STAC: variants seen among roughly 807,000 people sequenced by gnomAD.
STAC encodes SH3 and cysteine-rich domain-containing protein.
In STAC, 43 loss-of-function variants were observed where a neutral mutation model predicts 48.8. That is an observed-to-expected ratio of 0.88 (90% CI 0.69 to 1.14). STAC has a LOEUF of 1.14. Ranked by LOEUF, STAC falls within the 50% of genes most tolerant of loss-of-function variation. The pLI is 0.00. For missense variants in STAC, 497 were observed against 504.0 expected (o/e 0.99, Z 0.13); for synonymous variants, 193 against 179.5 (o/e 1.07, Z -0.60).
intron 2 of STAC, among the ~76,000 whole-genome samples, chr3:36,472,000 C>T (rs1697351971): frequency 6.6e-6 from 1 of 152,232 alleles, no homozygotes; most frequent in South Asian, 2.1e-4. Context: ...CCCACATTTC[C>T]CTTCTGCATT....
chr3:36,471,895 T>G (rs185805758), intron 2 of STAC, among the ~76,000 whole-genome samples: 5 of 152,312 alleles, frequency 3.3e-5, no homozygotes, highest in Admixed American at 3.3e-4. Flanking sequence ...GATCTACCAT[T>G]CTGGAGTCTT....
intron 1 of STAC, among the ~76,000 whole-genome samples, chr3:36,437,633 G>A (rs1397221184): frequency 9.0e-6 from 1 of 111,486 alleles, no homozygotes; most frequent in African/African-American, 3.4e-5. Flanking sequence ...GTTGTGGGGT[G>A]GGGGGAGGGG....
intron 2 of STAC, among the ~76,000 whole-genome samples, chr3:36,463,621 G>A (rs540509251): frequency 1.0e-4 from 15 of 149,766 alleles, no homozygotes; most frequent in South Asian, 4.2e-4. Context: ...CCATTAACTC[G>A]TCATTCAACA....
chr3:36,426,898 G>A (rs1366033341), intron 1 of STAC, among the ~76,000 whole-genome samples: 1 of 152,066 alleles, frequency 6.6e-6, no homozygotes, highest in Non-Finnish European at 1.5e-5. Context: ...GGCTTTCATT[G>A]TTGGTCATAA....
chr3:36,471,325 G>A (rs1000370828), intron 2 of STAC, among the ~76,000 whole-genome samples: 4 of 152,146 alleles, frequency 2.6e-5, no homozygotes, highest in Non-Finnish European at 5.9e-5. Flanking sequence ...ACAACACATG[G>A]GAATTCTGGG....
intron 1 of STAC, among the ~76,000 whole-genome samples, chr3:36,418,366 G>A (rs943855454): frequency 3.3e-5 from 5 of 152,114 alleles, no homozygotes; most frequent in Non-Finnish European, 7.4e-5. Flanking sequence ...GAGGATGTGT[G>A]TGTGCATGCA....
intron 8 of STAC, among the ~76,000 whole-genome samples, chr3:36,510,813 G>T (rs181930050): frequency 0.017 from 2,601 of 152,086 alleles, 68 homozygotes; most frequent in African/African-American, 0.06. Flanking sequence ...GTTGGGGGTT[G>T]GGGGGCTAAG....
chr3:36,493,024 A>C lies in STAC; in HGVS notation c.688-127A>C, dbSNP rs185171336. Reference sequence around the variant, plus strand: ...TTCTCTGAAGTTAGCCAAACAGCCAAGACAGCAATCACTGGGTCCTTATGT... The same window carrying C: ...TTCTCTGAAGTTAGCCAAACAGCCACGACAGCAATCACTGGGTCCTTATGT... On this transcript the variant is annotated intron_variant, in intron 5 of 10. Coordinates refer to ENST00000273183, the MANE Select transcript of STAC (RefSeq NM_003149.3). 1.9e-4 allele frequency: 155 copies of C among 812,862 alleles called. No individual in the cohort carries two copies. The African/African-American group carries it at 2.5e-3, about 13-fold the overall frequency. 50.4% of individuals were successfully genotyped at this position (812,862 alleles called of 1,614,324 possible).
chr3:36,514,204 CTTTTTTTTTTTT>C (rs765548085), intron 8 of STAC, among the ~76,000 whole-genome samples: 3,171 of 36,614 alleles, frequency 0.087, 108 homozygotes, highest in Middle Eastern at 0.22. Flanking sequence ...CACTGGCCTT[CTTTTTTTTTTTT>C]TTTTTTTTTT....
At chr3:36,388,323 T>C (rs1699667910) in intron 1 of STAC, among the ~76,000 whole-genome samples, 1 of 152,142 alleles carries the variant, frequency 6.6e-6, no homozygotes, top group African/African-American at 2.4e-5. Context: ...GTTCATGTCC[T>C]TGTCCATTTT....
chr3:36,388,961 C>T (rs965364106), intron 1 of STAC, among the ~76,000 whole-genome samples: 1 of 152,126 alleles, frequency 6.6e-6, no homozygotes, highest in Non-Finnish European at 1.5e-5. Context: ...TTTATCTGCA[C>T]TCAACTTTTC....
intron 2 of STAC, among the ~76,000 whole-genome samples, chr3:36,457,358 T>C (rs564990488): frequency 2.9e-4 from 44 of 152,340 alleles, no homozygotes; most frequent in African/African-American, 1.0e-3. Flanking sequence ...ACCTACATCA[T>C]AGAATTTACT....
chr3:36,405,227 T>A (rs1700067997), intron 1 of STAC, among the ~76,000 whole-genome samples: 1 of 152,072 alleles, frequency 6.6e-6, no homozygotes. Flanking sequence ...CCACCAATTC[T>A]CTCTTCAGCT....
rs565972406 is a variant in STAC, at chr3:36,460,652, C to G, written c.388+17012C>G. Reference sequence around the variant, plus strand: ...GGCAGCCCTGCACACATACACAGAACAAAGAATTACCAGGCCTCAGTGTCA... The same window carrying G: ...GGCAGCCCTGCACACATACACAGAAGAAAGAATTACCAGGCCTCAGTGTCA... On this transcript the variant is annotated intron_variant, in intron 2 of 10. Coordinates refer to ENST00000273183, the MANE Select transcript of STAC (RefSeq NM_003149.3). 1.3e-3 allele frequency among the ~76,000 whole-genome samples: 203 copies of G among 152,086 alleles called. 1 individual carries two copies. The highest frequency in any genetic ancestry group is 0.01 in the Middle Eastern group (3 of 294).
intron 10 of STAC, among the ~76,000 whole-genome samples, chr3:36,545,056 G>A (rs1699413991): frequency 6.6e-6 from 1 of 152,146 alleles, no homozygotes; most frequent in African/African-American, 2.4e-5. Flanking sequence ...TTGGAGCCTT[G>A]CTCAGATCCC....
intron 8 of STAC, among the ~76,000 whole-genome samples, chr3:36,516,001 G>A (rs1443763110): frequency 6.2e-5 from 2 of 32,308 alleles, no homozygotes; most frequent in East Asian, 1.9e-3. Flanking sequence ...TTTTTTTTTT[G>A]AGACAGAGTT....
chr3:36,466,931 CG>C (rs1162087664), intron 2 of STAC, among the ~76,000 whole-genome samples: 1 of 151,526 alleles, frequency 6.6e-6, no homozygotes, highest in Non-Finnish European at 1.5e-5. Context: ...TTCCAGTTCT[CG>C]GGGGGAATGC....
At chr3:36,514,742 T>C (rs1316455266) in intron 8 of STAC, among the ~76,000 whole-genome samples, 1 of 152,092 alleles carries the variant, frequency 6.6e-6, no homozygotes, top group Admixed American at 6.6e-5. Flanking sequence ...GATAATATAA[T>C]GGAAACTGTA....
At chr3:36,432,531 G>T (rs909770921) in intron 1 of STAC, among the ~76,000 whole-genome samples, 2 of 152,054 alleles carry the variant, frequency 1.3e-5, no homozygotes, top group Non-Finnish European at 2.9e-5. Context: ...GTGAAACTCC[G>T]TCTCTACTAA....
Sources: allele counts gnomAD v4.1 joint callset (sites outside exome capture counted in the v4.1 genomes callset), GRCh38; gene constraint gnomAD v4.1.1; transcripts MANE v1.5; gene names NCBI Gene and HGNC (gene_info 2026-07-23, HGNC 2026-07-21).